The following RAB11FIP4 variants were observed in gnomAD, a reference collection of about 807,000 sequenced individuals.
RAB11FIP4 encodes RAB11 family interacting protein 4.
In RAB11FIP4, 23 loss-of-function variants were observed where a neutral mutation model predicts 74.3. That is an observed-to-expected ratio of 0.31 (90% CI 0.22 to 0.44). RAB11FIP4 has a LOEUF of 0.44. RAB11FIP4 is among the 20% of genes least tolerant of loss of function. The pLI is 1.00. For synonymous variants in RAB11FIP4, 360 were observed against 359.9 expected (o/e 1.00, Z 0.00); for missense variants, 630 against 863.9 (o/e 0.73, Z 3.39).
intron 1 of RAB11FIP4, among the ~76,000 whole-genome samples, chr17:31,413,851 G>A (rs565374282): frequency 4.5e-4 from 68 of 152,282 alleles, no homozygotes; most frequent in African/African-American, 1.6e-3. Context: ...GTTTCATTGA[G>A]TTTTTTTCCC....
intron 3 of RAB11FIP4, among the ~76,000 whole-genome samples, chr17:31,463,024 A>AGGCC (rs2071648158): frequency 6.6e-6 from 1 of 152,182 alleles, no homozygotes; most frequent in South Asian, 2.1e-4. Flanking sequence ...TCTGATCATG[A>AGGCC]GGCCGCCTCT....
intron 3 of RAB11FIP4, among the ~76,000 whole-genome samples, chr17:31,465,210 G>T (rs1056102976): frequency 2.6e-5 from 4 of 152,108 alleles, no homozygotes; most frequent in African/African-American, 9.7e-5. Context: ...CAGGCTCCAG[G>T]TCTGAGGTCT....
chr17:31,433,582 A>G (rs1254092669), intron 2 of RAB11FIP4, among the ~76,000 whole-genome samples: 1 of 152,194 alleles, frequency 6.6e-6, no homozygotes, highest in Non-Finnish European at 1.5e-5. Flanking sequence ...CAGAGTCAGC[A>G]GGAACTGCAG....
chr17:31,492,989 A>G (rs2142755954), intron 3 of RAB11FIP4, among the ~76,000 whole-genome samples: 1 of 152,166 alleles, frequency 6.6e-6, no homozygotes, highest in Admixed American at 6.5e-5. Flanking sequence ...AACCAGAAGG[A>G]CGTGCAGCCT....
At chr17:31,530,281 G>A in intron 13 of RAB11FIP4, 45 bp from the exon 14 acceptor site, 2 of 1,604,340 alleles carry the variant, frequency 1.2e-6, no homozygotes, top group Non-Finnish European at 1.7e-6. Flanking sequence ...AGTGGGCTGT[G>A]GATGCCTCTT....
In RAB11FIP4 at chr17:31,413,409, G is replaced by C. The variant is rs558971647; in HGVS notation, c.160-18404G>C. ...ACAGAGGGCCTCACACGGAGGGCAC[G>C]GAGGGAGCTGTCCTTCCATAGGCCC... On this transcript the variant is annotated intron_variant, in intron 1 of 14. Coordinates refer to ENST00000621161, the MANE Select transcript of RAB11FIP4 (RefSeq NM_032932.6). 8.5e-5 allele frequency among the ~76,000 whole-genome samples: 13 copies of C among 152,066 alleles called. 1 individual carries two copies. Among genetic ancestry groups the C allele is most frequent in the African/African-American group, 2.7e-4 (11 of 41,376 alleles).
At position 31,408,906 on chromosome 17, in the gene RAB11FIP4, G is replaced by A. The variant is rs73277777; in HGVS notation, c.159+16895G>A. Among the ~76,000 whole-genome samples, 208 of 152,324 alleles carry A rather than the reference G, an allele frequency of 1.4e-3. 1 individual carries two copies. Among genetic ancestry groups the A allele is most frequent in the African/African-American group, 4.8e-3 (199 of 41,556 alleles). On this transcript the variant is annotated intron_variant, in intron 1 of 14. Coordinates refer to ENST00000621161, the MANE Select transcript of RAB11FIP4 (RefSeq NM_032932.6). The stretch of plus-strand genomic sequence containing the variant: ...AGAGGTGGCCTAATAGAGAGGGAAG[G>A]GGGCCAGCAAGAGGCCATCAGGCCT...
intron 3 of RAB11FIP4, among the ~76,000 whole-genome samples, chr17:31,469,966 T>C (rs1301996005): frequency 1.3e-5 from 2 of 152,214 alleles, no homozygotes; most frequent in Non-Finnish European, 2.9e-5. Flanking sequence ...GGAGCTGGAA[T>C]TGAAATCTCC....
At chr17:31,425,779 G>A (rs544540381) in intron 1 of RAB11FIP4, among the ~76,000 whole-genome samples, 9 of 152,292 alleles carry the variant, frequency 5.9e-5, no homozygotes, top group South Asian at 2.1e-4. Context: ...TGGCGAACCC[G>A]TCTCTCCTGG....
At chr17:31,493,917 GCA>G (rs1491553492) in intron 3 of RAB11FIP4, among the ~76,000 whole-genome samples, 4 of 152,226 alleles carry the variant, frequency 2.6e-5, no homozygotes, top group East Asian at 3.9e-4. Flanking sequence ...ATGTGTGTGT[GCA>G]CACACGTGTG....
chr17:31,405,055 C>A (rs1239443360), intron 1 of RAB11FIP4, among the ~76,000 whole-genome samples: 3 of 152,072 alleles, frequency 2.0e-5, no homozygotes, highest in Admixed American at 1.3e-4. Flanking sequence ...GAGGTTTAAG[C>A]AGAGGGCCAC....
chr17:31,475,602 C>T (rs1256960457), intron 3 of RAB11FIP4, among the ~76,000 whole-genome samples: 1 of 152,048 alleles, frequency 6.6e-6, no homozygotes. Flanking sequence ...TTTGTAACAC[C>T]AAAATCAATA....
At chr17:31,494,494 A>G (rs1426411148) in intron 3 of RAB11FIP4, among the ~76,000 whole-genome samples, 1 of 152,184 alleles carries the variant, frequency 6.6e-6, no homozygotes, top group African/African-American at 2.4e-5. Flanking sequence ...CGCACCTAAC[A>G]GAATGTCTTG....
intron 1 of RAB11FIP4, among the ~76,000 whole-genome samples, chr17:31,400,840 C>T (rs752600211): frequency 2.0e-5 from 3 of 151,496 alleles, no homozygotes; most frequent in East Asian, 3.9e-4. Context: ...CTGGGGACCA[C>T]GCTTCAGCCC....
intron 3 of RAB11FIP4, among the ~76,000 whole-genome samples, chr17:31,475,442 A>C (rs2071781825): frequency 6.6e-6 from 1 of 152,248 alleles, no homozygotes; most frequent in South Asian, 2.1e-4. Flanking sequence ...AGTTACAGTA[A>C]AAAGATGTGA....
chr17:31,436,539 T>C (rs534920577), intron 3 of RAB11FIP4, among the ~76,000 whole-genome samples: 72 of 152,172 alleles, frequency 4.7e-4, no homozygotes, highest in Admixed American at 1.6e-3. Context: ...AGGTGGCACA[T>C]GGAGAAAAGA....
chr17:31,435,377 G>A (rs1325184608), intron 3 of RAB11FIP4, among the ~76,000 whole-genome samples: 1 of 152,138 alleles, frequency 6.6e-6, no homozygotes, highest in Non-Finnish European at 1.5e-5. Context: ...CTGTTTTTCT[G>A]TTATCATTGC....
intron 1 of RAB11FIP4, 69 bp downstream of exon 1, chr17:31,392,080 C>T: frequency 8.8e-7 from 1 of 1,130,298 alleles, no homozygotes; most frequent in Non-Finnish European, 1.1e-6. Flanking sequence ...CCCCCAGCTC[C>T]CCCGCCGGGT....
chr17:31,416,997 C>T (rs2071154155), intron 1 of RAB11FIP4, among the ~76,000 whole-genome samples: 1 of 151,926 alleles, frequency 6.6e-6, no homozygotes, highest in Non-Finnish European at 1.5e-5. Context: ...TCTCTTTGGC[C>T]CCATCTCTTG....
Sources: allele counts gnomAD v4.1 joint callset (sites outside exome capture counted in the v4.1 genomes callset), GRCh38; gene constraint gnomAD v4.1.1; transcripts MANE v1.5; gene names NCBI Gene and HGNC (gene_info 2026-07-23, HGNC 2026-07-21).